ZBTB20: variants seen among roughly 807,000 people sequenced by gnomAD.
ZBTB20 encodes zinc finger and BTB domain-containing protein 20.
Under a neutral mutation model 56.9 loss-of-function variants are expected in ZBTB20, and 9 were observed. The observed-to-expected ratio is 0.16, with a 90% confidence interval of 0.10 to 0.28. The LOEUF (loss-of-function observed/expected upper bound fraction) is 0.28. ZBTB20 is among the 10% of genes least tolerant of loss of function. The pLI is 1.00. For synonymous variants in ZBTB20, 417 were observed against 420.7 expected, an observed-to-expected ratio of 0.99 and a Z score of 0.11; for missense variants, 655 against 1,003.0, an observed-to-expected ratio of 0.65 and a Z score of 4.69.
At position 114,316,860 on chromosome 3, in the gene ZBTB20, C is replaced by G. The variant is rs1404615542; in HGVS notation, c.*22145G>C. The G allele has an allele frequency of 9.0e-6, 2 of 221,440 alleles. No homozygotes were observed. The highest frequency in any genetic ancestry group is 1.1e-4 in the South Asian group (2 of 18,966). The allele number at this position is 221,440 out of a possible 1,614,324, so 13.7% of individuals were successfully genotyped here. On this transcript the variant is annotated 3_prime_UTR_variant, in exon 12 of 12. Transcript: ENST00000675478. ...TAATGGACATTCTGGACTCCGGGCACCTTAGCAGCAGCAGCAGCACCTTTA... is the reference window on the plus strand; with the variant it reads ...TAATGGACATTCTGGACTCCGGGCAGCTTAGCAGCAGCAGCAGCACCTTTA...
intron 2 of ZBTB20, among the ~76,000 whole-genome samples, chr3:114,997,378 T>C (rs981902165): frequency 4.6e-5 from 7 of 151,822 alleles, no homozygotes; most frequent in Admixed American, 1.3e-4. Context: ...TTGAAATGTG[T>C]GAAATTTTAT....
chr3:114,840,793 T>C (rs1014998186), intron 4 of ZBTB20, among the ~76,000 whole-genome samples: 3 of 152,200 alleles, frequency 2.0e-5, no homozygotes, highest in African/African-American at 4.8e-5. Context: ...ATAGGAATCA[T>C]GCAGTTTAGG....
At chr3:115,115,779 C>T (rs1010168800) in intron 1 of ZBTB20, among the ~76,000 whole-genome samples, 1 of 152,000 alleles carries the variant, frequency 6.6e-6, no homozygotes, top group African/African-American at 2.4e-5. Flanking sequence ...CTGAGTCTCA[C>T]GTGACATTAA....
chr3:115,064,827 T>C (rs2082148982), intron 2 of ZBTB20, among the ~76,000 whole-genome samples: 1 of 152,186 alleles, frequency 6.6e-6, no homozygotes, highest in African/African-American at 2.4e-5. Context: ...ATTCTGGTTC[T>C]TGAGCCAATG....
Position 114,537,277 on chromosome 3 carries a change from T to C in ZBTB20, c.-294-36886A>G, listed in dbSNP as rs1302116236. ...TAATATCCAGAATCAACAAGGAATT[T>C]AAACAAATTTACAAGAAAAAAACAA... On this transcript the variant is annotated intron_variant, in intron 6 of 11. Transcript: ENST00000675478. Among the ~76,000 whole-genome samples, 15 of 152,108 alleles carry C rather than the reference T, an allele frequency of 9.9e-5. No individual in the cohort carries two copies. The East Asian group carries it at 2.9e-3, about 29-fold the overall frequency.
intron 6 of ZBTB20, among the ~76,000 whole-genome samples, chr3:114,682,508 C>A (rs1022761094): frequency 1.3e-5 from 2 of 152,188 alleles, no homozygotes; most frequent in African/African-American, 4.8e-5. Flanking sequence ...TCGCACTCTT[C>A]ATCTCTAACC....
rs1002016760 is a variant in ZBTB20 at position 114,338,066 on chromosome 3, T to C, written c.*939A>G. ...CCCACCCTCCATTTCTTTTTCTTTT[T>C]CTCTTCCACAAGAATATATCCTGAC... is the stretch of plus-strand genomic sequence containing the variant. On this transcript the variant is annotated 3_prime_UTR_variant, in exon 12 of 12. Coordinates refer to ENST00000675478, the MANE Select transcript of ZBTB20 (RefSeq NM_001348800.3). 6.6e-6 allele frequency: 1 copy of C among 151,764 alleles called. No homozygotes were observed. The highest frequency in any genetic ancestry group is 2.4e-5 in the African/African-American group (1 of 41,340). The allele number at this position is 151,764 out of a possible 1,614,324, so 9.4% of individuals were successfully genotyped here.
At chr3:114,929,395 G>A (rs1167440449) in intron 3 of ZBTB20, among the ~76,000 whole-genome samples, 1 of 152,208 alleles carries the variant, frequency 6.6e-6, no homozygotes, top group East Asian at 1.9e-4. Context: ...CTGTGCAACT[G>A]GGGGAGGTGA....
At chr3:114,589,417 T>C (rs2055517028) in intron 6 of ZBTB20, among the ~76,000 whole-genome samples, 1 of 152,172 alleles carries the variant, frequency 6.6e-6, no homozygotes, top group Admixed American at 6.5e-5. Context: ...CATTTCTCAT[T>C]TCCATTTGGA....
intron 5 of ZBTB20, among the ~76,000 whole-genome samples, chr3:114,790,760 G>A (rs1029422559): frequency 4.6e-5 from 7 of 151,768 alleles, no homozygotes; most frequent in African/African-American, 1.7e-4. Flanking sequence ...TATCATAGGG[G>A]AGACATAACA....
intron 4 of ZBTB20, among the ~76,000 whole-genome samples, chr3:114,818,862 G>T (rs569968682): frequency 6.6e-6 from 1 of 151,898 alleles, no homozygotes; most frequent in Non-Finnish European, 1.5e-5. Context: ...AATAAGAAAG[G>T]AAATAGACAG....
chr3:114,978,254 T>C (rs181046676), intron 2 of ZBTB20, among the ~76,000 whole-genome samples: 2 of 148,624 alleles, frequency 1.3e-5, no homozygotes, highest in African/African-American at 2.4e-5. Context: ...TTTAAACATA[T>C]ATAAAATATA....
At chr3:114,729,197 A>G (rs903054935) in intron 5 of ZBTB20, among the ~76,000 whole-genome samples, 3 of 152,236 alleles carry the variant, frequency 2.0e-5, no homozygotes, top group African/African-American at 7.2e-5. Flanking sequence ...TCTTTGCAAG[A>G]AAGATAAACT....
At position 114,316,095 on chromosome 3, in the gene ZBTB20, T is replaced by G. The variant is rs1427955528; in HGVS notation, c.*22910A>C. On this transcript the variant is annotated 3_prime_UTR_variant, in exon 12 of 12. Coordinates refer to ENST00000675478, the MANE Select transcript of ZBTB20 (RefSeq NM_001348800.3). ...TGAAAAGGGCTTTCACTGTAGTAGT[T>G]TTGTTCAGTTTGTTGTGGGTGACGA... is the stretch of plus-strand genomic sequence containing the variant. 3 of 240,270 alleles carry G rather than the reference T, an allele frequency of 1.2e-5. No individual in the cohort carries two copies. The highest frequency in any genetic ancestry group is 6.2e-5 in the Admixed American group (1 of 16,232). 14.9% of individuals were successfully genotyped at this position (240,270 alleles called of 1,614,324 possible).
At chr3:114,650,833 A>G (rs1027823140) in intron 6 of ZBTB20, among the ~76,000 whole-genome samples, 3 of 152,000 alleles carry the variant, frequency 2.0e-5, no homozygotes, top group Non-Finnish European at 4.4e-5. Flanking sequence ...AACATTTTAA[A>G]CACTGAAAAA....
Position 114,335,470 on chromosome 3 carries a change from A to T in ZBTB20, c.*3535T>A, listed in dbSNP as rs2079422073. The T allele has an allele frequency of 6.6e-6, 1 of 152,224 alleles. No individual in the cohort carries two copies. The highest frequency in any genetic ancestry group is 2.1e-4 in the South Asian group (1 of 4,828). The allele number at this position is 152,224 out of a possible 1,614,324, so 9.4% of individuals were successfully genotyped here. A position where few individuals can be genotyped will look rare whatever the true frequency, so the allele number is the denominator to read the frequency against. On this transcript the variant is annotated 3_prime_UTR_variant, in exon 12 of 12. Transcript: ENST00000675478. ...GTTTAACTTAAAAGTGAGAATTGAC[A>T]ATCTAAAAGCATCTCTATCCTTTTG...
At chr3:114,899,627 C>A (rs2075027937) in intron 4 of ZBTB20, among the ~76,000 whole-genome samples, 2 of 152,130 alleles carry the variant, frequency 1.3e-5, no homozygotes, top group Admixed American at 1.3e-4. Flanking sequence ...AGTTCAAGGT[C>A]TACATCAAGT....
chr3:114,620,934 A>G (rs2058279895), intron 6 of ZBTB20, among the ~76,000 whole-genome samples: 1 of 152,224 alleles, frequency 6.6e-6, no homozygotes, highest in Admixed American at 6.5e-5. Flanking sequence ...TTGAAAAGTT[A>G]TCAGAAAAAT....
At chr3:114,782,764 C>T (rs994979950) in intron 5 of ZBTB20, among the ~76,000 whole-genome samples, 2 of 152,050 alleles carry the variant, frequency 1.3e-5, no homozygotes, top group African/African-American at 4.8e-5. Context: ...TGAGCAGGAT[C>T]TTGATGCAAA....
Sources: allele counts gnomAD v4.1 joint callset (sites outside exome capture counted in the v4.1 genomes callset), GRCh38; gene constraint gnomAD v4.1.1; transcripts MANE v1.5; gene names NCBI Gene and HGNC (gene_info 2026-07-23, HGNC 2026-07-21).